The following OTOA variants were observed in gnomAD, a reference collection of about 807,000 sequenced individuals.
The protein encoded by OTOA is otoancorin, also known as cancer/testis antigen 108.
A neutral mutation model predicts 110.8 loss-of-function variants in OTOA; 70 were observed. The observed-to-expected ratio is 0.63, with a 90% CI of 0.52 to 0.77. The LOEUF (loss-of-function observed/expected upper bound fraction) is 0.77. Among genes scored for constraint, OTOA ranks in the 30% least tolerant of loss-of-function variants. OTOA has a pLI of 0.00. For synonymous variants in OTOA, 373 were observed against 431.5 expected (o/e 0.86, Z 1.68); for missense variants, 917 against 1,075.8 (o/e 0.85, Z 2.06).
intron 12 of OTOA, among the ~76,000 whole-genome samples, chr16:21,707,623 T>C (rs1009276773): frequency 9.6e-6 from 1 of 104,110 alleles, no homozygotes; most frequent in African/African-American, 2.9e-5. Context: ...CTTTCTTTCT[T>C]TCTTTCTTTC....
rs369129626 is a variant in OTOA, at chr16:21,750,151, A to C, written c.2776-1784A>C. ...GGCTGGGTGCACTGTGCAGTGGCTCATACCTGTAGTCCTAGAACTTTGGGA... is the reference window on the plus strand; with the variant it reads ...GGCTGGGTGCACTGTGCAGTGGCTCCTACCTGTAGTCCTAGAACTTTGGGA... On this transcript the variant is annotated intron_variant, in intron 24 of 28. Transcript: ENST00000646100. 6.2e-4 allele frequency among the ~76,000 whole-genome samples: 94 copies of C among 151,996 alleles called. No individual in the cohort carries two copies. The South Asian group carries it at 9.7e-3, about 16-fold the overall frequency.
At chr16:21,679,988 C>T (rs570854613) in intron 5 of OTOA, among the ~76,000 whole-genome samples, 10 of 152,076 alleles carry the variant, frequency 6.6e-5, no homozygotes, top group South Asian at 6.2e-4. Flanking sequence ...AGTGTGGAAA[C>T]GCCAATATTA....
intron 6 of OTOA, among the ~76,000 whole-genome samples, chr16:21,685,028 G>C (rs1489480026): frequency 6.6e-6 from 1 of 152,048 alleles, no homozygotes; most frequent in Non-Finnish European, 1.5e-5. Context: ...GGGATTACAG[G>C]CATGAGCCAC....
At chr16:21,692,296 C>T (rs925692991) in intron 9 of OTOA, among the ~76,000 whole-genome samples, 5 of 151,150 alleles carry the variant, frequency 3.3e-5, no homozygotes, top group South Asian at 4.2e-4. Context: ...CACTGCACTC[C>T]GGCCTGGGTG....
At chr16:21,729,221 G>A (rs893672807) in intron 20 of OTOA, among the ~76,000 whole-genome samples, 2 of 151,764 alleles carry the variant, frequency 1.3e-5, no homozygotes, top group African/African-American at 2.4e-5. Context: ...TTTTTTTTAA[G>A]GGATGGAATT....
Position 21,685,437 on chromosome 16 carries a change from C to A in OTOA, c.399+76C>A, listed in dbSNP as rs116664165. The A allele has an allele frequency of 6.0e-4, 943 of 1,580,278 alleles. 3 individuals carry two copies. The African/African-American group carries it at 8.0e-3, about 13-fold the overall frequency. ...TGTTTGTTGAATTGAATAAATGGAGCCTGACTTAGGCCTTGGCACTTCATT... is the reference window on the plus strand; with the variant it reads ...TGTTTGTTGAATTGAATAAATGGAGACTGACTTAGGCCTTGGCACTTCATT... On this transcript the variant is annotated intron_variant, in intron 7 of 28. Transcript: ENST00000646100.
chr16:21,697,943 C>A, intron 10 of OTOA, 68 bp downstream of exon 10: 1 of 1,344,858 alleles, frequency 7.4e-7, no homozygotes, highest in South Asian at 1.2e-5. Flanking sequence ...TATTCTCAAA[C>A]TCTAATGTTC....
chr16:21,678,304 G>A (rs372197163), intron 1 of OTOA, among the ~76,000 whole-genome samples: 9 of 151,968 alleles, frequency 5.9e-5, no homozygotes, highest in African/African-American at 1.9e-4. Flanking sequence ...GACAAGAATG[G>A]GGGTTTAGAT....
chr16:21,709,706 G>A (rs538886108), intron 12 of OTOA, among the ~76,000 whole-genome samples, 182 bp from the exon 13 acceptor site: 18 of 152,262 alleles, frequency 1.2e-4, no homozygotes, highest in Middle Eastern at 3.4e-3. Flanking sequence ...GGTGTCCTCC[G>A]TGTGGTGTCT....
chr16:21,691,714 A>C, intron 9 of OTOA, 27 bp downstream of exon 9: 2 of 1,566,514 alleles, frequency 1.3e-6, no homozygotes, highest in Non-Finnish European at 8.8e-7. Context: ...AGGTGGGGTC[A>C]CTTTTTGGGG....
chr16:21,674,306 G>T (rs369360526), intron 1 of OTOA, among the ~76,000 whole-genome samples: 1 of 151,966 alleles, frequency 6.6e-6, no homozygotes, highest in East Asian at 1.9e-4. Context: ...TGGCATTATG[G>T]TTACATTTAT....
At chr16:21,667,824 A>C (rs894747317) in intron 1 of OTOA, among the ~76,000 whole-genome samples, 3 of 152,094 alleles carry the variant, frequency 2.0e-5, no homozygotes, top group Non-Finnish European at 4.4e-5. Flanking sequence ...CTTAAATTTA[A>C]ATTTCACACA....
At chr16:21,721,260 C>T (rs1309582550) in intron 17 of OTOA, 6 of 452,640 alleles carry the variant, frequency 1.3e-5, no homozygotes, top group South Asian at 4.7e-5. Context: ...CACACACACA[C>T]ACACACACAC....
chr16:21,705,378 G>C, intron 12 of OTOA, 86 bp downstream of exon 12: 1 of 1,601,400 alleles, frequency 6.2e-7, no homozygotes, highest in African/African-American at 1.3e-5. Context: ...TTAGCCTTTG[G>C]GAGAAAACAC....
At chr16:21,675,115 TTTTCTTTCTC>T (rs1368139742) in intron 1 of OTOA, among the ~76,000 whole-genome samples, 1 of 132,856 alleles carries the variant, frequency 7.5e-6, no homozygotes, top group Admixed American at 7.8e-5. Context: ...CTTTCTTTCT[TTTTCTTTCTC>T]TCTTTCTTTC....
rs1007927807 is a variant in OTOA, at chr16:21,705,254, T to C, written c.1066T>C (p.Cys356Arg). Residue 356 changes from cysteine (C) to arginine (R), a missense_variant, in exon 12 of 29, where the codon TGC becomes CGC. Cys to Arg is a radical substitution (Grantham distance 180). Around this residue, in one of 6 missense-constraint regions of OTOA, gnomAD observed 840 missense variants for 910.2 expected, o/e 0.92. Transcript: ENST00000646100. ...AQVLLYQMIK[C>R]SHLRGFQAGV... ...AGTCCTGCTTTACCAGATGATCAAG[T>C]GCAGCCACCTGAGGGGCTTCCAGGC... 6.2e-7 allele frequency: 1 copy of C among 1,614,006 alleles called. No individual in the cohort carries two copies. The highest frequency in any genetic ancestry group is 1.3e-5 in the African/African-American group (1 of 74,940).
At chr16:21,690,233 G>C (rs1203320963) in intron 8 of OTOA, among the ~76,000 whole-genome samples, 2 of 152,064 alleles carry the variant, frequency 1.3e-5, no homozygotes, top group Non-Finnish European at 1.5e-5. Flanking sequence ...GGATGTGCAG[G>C]TTTGTTACAT....
chr16:21,728,801 A>C (rs934514048), intron 20 of OTOA, among the ~76,000 whole-genome samples: 8 of 151,828 alleles, frequency 5.3e-5, no homozygotes, highest in Non-Finnish European at 8.8e-5. Flanking sequence ...GTTGGCCAGG[A>C]TGGTCTTGAT....
rs1898801540 is a variant in OTOA at position 21,722,893 on chromosome 16, T to C, written c.1807-12T>C. 6.2e-7 allele frequency: 1 copy of C among 1,613,476 alleles called. No homozygotes were observed. On this transcript the variant is annotated splice_polypyrimidine_tract_variant and intron_variant, in intron 17 of 28. Transcript: ENST00000646100. ...TACTGCATTAAATCCCCAGAACTGC[T>C]TAATCTTTCAGGTTAATTGTTTGGC...
Sources: allele counts gnomAD v4.1 joint callset (sites outside exome capture counted in the v4.1 genomes callset), GRCh38; gene constraint gnomAD v4.1.1; regional missense constraint gnomAD v4.1.1; transcripts MANE v1.5; gene names NCBI Gene and HGNC (gene_info 2026-07-23, HGNC 2026-07-21).